HHLA1: variants seen among roughly 807,000 people sequenced by gnomAD.
HHLA1 encodes HERV-H LTR-associating protein 1.
Under a neutral mutation model 69.9 loss-of-function variants are expected in HHLA1, and 72 were observed. The observed-to-expected ratio is 1.03, with a 90% CI of 0.85 to 1.25. The LOEUF (loss-of-function observed/expected upper bound fraction) is 1.25, where lower values mean the gene tolerates loss of function less well. HHLA1 is among the 50% of genes most tolerant of loss of function. The pLI, the probability that HHLA1 is intolerant of heterozygous loss-of-function variation, is 0.00. For missense variants in HHLA1, 685 were observed against 642.2 expected (o/e 1.07, Z -0.72); for synonymous variants, 252 against 233.2 (o/e 1.08, Z -0.73).
intron 3 of HHLA1, among the ~76,000 whole-genome samples, chr8:132,103,621 A>G (rs1824152972): frequency 7.7e-6 from 1 of 130,412 alleles, no homozygotes; most frequent in Admixed American, 7.8e-5. Flanking sequence ...CCATCTCAAA[A>G]TAAATAAATA....
rs1423273349 is a variant in HHLA1 at position 132,078,066 on chromosome 8, G to C, written c.926-95C>G. ...TGAGACATTGAAACGTTATCAAAGG[G>C]CAAATGCAATGTGAACGTGTAATAT... On this transcript the variant is annotated intron_variant, in intron 11 of 16. Coordinates refer to ENST00000414222, the MANE Select transcript of HHLA1 (RefSeq NM_001145095.3). 2.2e-6 allele frequency: 3 copies of C among 1,350,184 alleles called. No individual in the cohort carries two copies. In the South Asian group the frequency reaches 4.1e-5, roughly 18 times the overall value. The allele number at this position is 1,350,184 out of a possible 1,614,324, so 83.6% of individuals were successfully genotyped here. A position where few individuals can be genotyped will look rare whatever the true frequency, so the allele number is the denominator to read the frequency against.
intron 10 of HHLA1, among the ~76,000 whole-genome samples, chr8:132,085,088 G>T (rs954676209): frequency 6.6e-6 from 1 of 152,158 alleles, no homozygotes; most frequent in Non-Finnish European, 1.5e-5. Context: ...CCCCAGAAAA[G>T]TGGGACTTGC....
chr8:132,065,449 T>A (rs1192062914), intron 16 of HHLA1, among the ~76,000 whole-genome samples: 3 of 152,150 alleles, frequency 2.0e-5, no homozygotes, highest in Admixed American at 6.5e-5. Context: ...GCCTGGCTAG[T>A]TTTTTTGTGT....
At position 132,062,743 on chromosome 8, in the gene HHLA1, G is replaced by C. The variant is rs1420135302; in HGVS notation, c.*1252C>G. 1.3e-5 allele frequency: 2 copies of C among 152,212 alleles called. No individual in the cohort carries two copies. Among genetic ancestry groups the C allele is most frequent in the African/African-American group, 2.4e-5 (1 of 41,412 alleles). 9.4% of individuals were successfully genotyped at this position (152,212 alleles called of 1,614,324 possible). Reference sequence around the variant, plus strand: ...AATGAAGGTGGCAAATCAGTATGTGGGGATGCAGAAGAAAGTTGACTCCAC... The same window carrying C: ...AATGAAGGTGGCAAATCAGTATGTGCGGATGCAGAAGAAAGTTGACTCCAC... On this transcript the variant is annotated 3_prime_UTR_variant, in exon 17 of 17. Coordinates refer to ENST00000414222, the MANE Select transcript of HHLA1 (RefSeq NM_001145095.3).
intron 15 of HHLA1, chr8:132,069,692 G>T (rs528171441): frequency 6.6e-6 from 1 of 151,940 alleles, no homozygotes; most frequent in Non-Finnish European, 1.5e-5. Context: ...TACGTGACTT[G>T]GTTCTATGAT....
In HHLA1 at chr8:132,063,743, C is replaced by A. The variant is rs1823390872; in HGVS notation, c.*252G>T. The A allele has an allele frequency of 5.6e-6, 1 of 179,242 alleles. No individual in the cohort carries two copies. Among genetic ancestry groups the A allele is most frequent in the African/African-American group, 2.3e-5 (1 of 43,108 alleles). 11.1% of individuals were successfully genotyped at this position (179,242 alleles called of 1,614,324 possible). A position where few individuals can be genotyped will look rare whatever the true frequency, so the allele number is the denominator to read the frequency against. ...ACACTAGATTTCCATGATTTTGAAG[C>A]AGGCAAGGAGTCTGGCATTACTGTA... On this transcript the variant is annotated 3_prime_UTR_variant, in exon 17 of 17. Transcript: ENST00000414222.
In HHLA1 at chr8:132,085,404, C is replaced by G. The variant is rs184509888; in HGVS notation, c.676+2249G>C. ...GATGAGAGTAAAAAGAGGCCGCTTA[C>G]CGGATTTGAAATTGGTGAGATGTTT... On this transcript the variant is annotated intron_variant, in intron 10 of 16. Transcript: ENST00000414222. The G allele has an allele frequency of 2.8e-3, 1,034 of 368,288 alleles. 8 individuals carry two copies. The highest frequency in any genetic ancestry group is 0.022 in the African/African-American group (976 of 45,348). 22.8% of individuals were successfully genotyped at this position (368,288 alleles called of 1,614,324 possible).
At chr8:132,102,578 T>G (rs1824127079) in intron 3 of HHLA1, among the ~76,000 whole-genome samples, 1 of 152,200 alleles carries the variant, frequency 6.6e-6, no homozygotes, top group South Asian at 2.1e-4. Context: ...CGCAGTCTAC[T>G]CTGCACCAGC....
rs1451633187 is a variant in HHLA1 at position 132,079,808 on chromosome 8, C to G, written c.835G>C (p.Glu279Gln). The G allele has an allele frequency of 6.4e-7, 1 of 1,551,740 alleles. No individual in the cohort carries two copies. Among genetic ancestry groups the G allele is most frequent in the East Asian group, 2.4e-5 (1 of 40,908 alleles). Residue 279 changes from glutamate (E) to glutamine (Q), a missense_variant, in exon 11 of 17, where the codon GAG (glutamate) becomes CAG (glutamine). Transcript: ENST00000414222. ...WTETAAPSET[E>Q]ETLNTGRPPE... Reference sequence around the variant, plus strand: ...GGCCTGCCTGTGTTCAGGGTCTCCTCTGTTTCTGAAGGAGCAGCTGTCTCT... The same window carrying G: ...GGCCTGCCTGTGTTCAGGGTCTCCTGTGTTTCTGAAGGAGCAGCTGTCTCT...
At chr8:132,080,087 G>C (rs1563743103) in intron 10 of HHLA1, 121 bp from the exon 11 acceptor site, 2 of 1,319,736 alleles carry the variant, frequency 1.5e-6, no homozygotes, top group East Asian at 2.5e-5. Flanking sequence ...CTAATTAAAA[G>C]TATCAGGCAT....
Position 132,100,131 on chromosome 8 carries a change from G to A in HHLA1, c.143C>T (p.Ser48Phe). 2 of 1,550,190 alleles carry A rather than the reference G, an allele frequency of 1.3e-6. No homozygotes were observed. The highest frequency in any genetic ancestry group is 1.7e-6 in the Non-Finnish European group (2 of 1,145,658). ...KGMTFLPTTV[S>F]GLREEERKEK... is the part of the protein sequence containing the mutation. ...CTTCCTCTCTTCTTCTCTAAGGCCAGACACTGGGAAGGAGACAGTTTTCAT... is the reference window on the plus strand; with the variant it reads ...CTTCCTCTCTTCTTCTCTAAGGCCAAACACTGGGAAGGAGACAGTTTTCAT... Residue 48 changes from serine to phenylalanine, a missense_variant, in exon 4 of 17, where the codon TCT (serine) becomes TTT (phenylalanine). Transcript: ENST00000414222.
chr8:132,102,344 T>C (rs1351594952), intron 3 of HHLA1, among the ~76,000 whole-genome samples: 2 of 152,214 alleles, frequency 1.3e-5, no homozygotes, highest in Non-Finnish European at 2.9e-5. Context: ...CTTTTGCCAA[T>C]TGCCAAGCTT....
chr8:132,097,587 G>A (rs1347644577), intron 5 of HHLA1, among the ~76,000 whole-genome samples: 2 of 152,182 alleles, frequency 1.3e-5, no homozygotes, highest in Non-Finnish European at 2.9e-5. Flanking sequence ...GCAGGGCCTT[G>A]CAGAGGAAAG....
At position 132,081,317 on chromosome 8, in the gene HHLA1, G is replaced by A. The variant is rs116802676; in HGVS notation, c.677-1351C>T. 4.8e-3 allele frequency among the ~76,000 whole-genome samples: 735 copies of A among 152,322 alleles called. 4 individuals are homozygous for A. Among genetic ancestry groups the A allele is most frequent in the African/African-American group, 0.017 (707 of 41,568 alleles). Reference sequence around the variant, plus strand: ...TGGAATGAGAAGCATCTATACAGGAGCCTAAATGGGCTGTACCCTGTAGCA... The same window carrying A: ...TGGAATGAGAAGCATCTATACAGGAACCTAAATGGGCTGTACCCTGTAGCA... On this transcript the variant is annotated intron_variant, in intron 10 of 16. Coordinates refer to ENST00000414222, the MANE Select transcript of HHLA1 (RefSeq NM_001145095.3).
chr8:132,086,920 A>G (rs947055294), intron 10 of HHLA1, among the ~76,000 whole-genome samples: 6 of 152,234 alleles, frequency 3.9e-5, no homozygotes, highest in Non-Finnish European at 7.3e-5. Flanking sequence ...TGTGCAAGGC[A>G]CCAAGGGGAA....
At chr8:132,099,557 A>T (rs1563749052) in intron 4 of HHLA1, among the ~76,000 whole-genome samples, 1 of 152,200 alleles carries the variant, frequency 6.6e-6, no homozygotes, top group Non-Finnish European at 1.5e-5. Context: ...GCTATTCCTT[A>T]ATGATTTGGA....
At chr8:132,103,891 C>T (rs1824158390) in intron 3 of HHLA1, among the ~76,000 whole-genome samples, 1 of 152,118 alleles carries the variant, frequency 6.6e-6, no homozygotes, top group African/African-American at 2.4e-5. Context: ...TCTTCTATCA[C>T]CAATGGAATG....
At chr8:132,108,794 G>A (rs554204705) in intron 1 of HHLA1, among the ~76,000 whole-genome samples, 18 of 151,930 alleles carry the variant, frequency 1.2e-4, no homozygotes, top group Admixed American at 2.6e-4. Flanking sequence ...AGAAGAAGAC[G>A]GAAAGTGGGT....
chr8:132,088,951 A>C (rs1209095550), intron 8 of HHLA1, among the ~76,000 whole-genome samples: 1 of 152,198 alleles, frequency 6.6e-6, no homozygotes, highest in Non-Finnish European at 1.5e-5. Flanking sequence ...CTGCTTTTAA[A>C]ACAGTAGCTG....
Sources: gnomAD v4.1 joint callset for allele counts (sites outside exome capture counted in the v4.1 genomes callset) on GRCh38, gnomAD v4.1.1 for gene constraint, MANE v1.5 for transcripts, NCBI Gene and HGNC (gene_info 2026-07-23, HGNC 2026-07-21) for gene names.